Variants in IQGAP3 observed in about 807,000 individuals in gnomAD.
IQGAP3 encodes IQ motif containing GTPase activating protein 3, also known as ras GTPase-activating-like protein IQGAP3.
IQGAP3 carries 165 observed loss-of-function variants against 208.2 expected under a neutral mutation model. The ratio of observed to expected loss-of-function variants is 0.79; its 90% CI spans 0.70 to 0.90. IQGAP3 has a LOEUF of 0.90. Among genes scored for constraint, IQGAP3 ranks in the 40% least tolerant of loss-of-function variants. IQGAP3 has a pLI of 0.00. For synonymous variants in IQGAP3, 703 were observed against 803.6 expected, an observed-to-expected ratio of 0.87 and a Z score of 2.12; for missense variants, 1,811 against 2,043.1, an observed-to-expected ratio of 0.89 and a Z score of 2.19.
chr1:156,541,829 G>C (rs1363126039), intron 22 of IQGAP3, among the ~76,000 whole-genome samples: 6 of 152,316 alleles, frequency 3.9e-5, no homozygotes, highest in Admixed American at 6.5e-5. Flanking sequence ...GCAAGCATGG[G>C]GATCTTTGGG....
intron 4 of IQGAP3, among the ~76,000 whole-genome samples, chr1:156,564,914 A>C (rs1348014618): frequency 2.0e-5 from 3 of 152,188 alleles, no homozygotes; most frequent in Admixed American, 2.0e-4. Flanking sequence ...ACAGACACAT[A>C]GTCCTAGGGT....
Position 156,538,822 on chromosome 1 carries a change from T to C in IQGAP3, c.3268A>G (p.Thr1090Ala). Residue 1090 changes from threonine (T) to alanine (A), a missense_variant, in exon 26 of 38, where the codon ACA (threonine) becomes GCA (alanine). Physicochemically the swap from Thr to Ala is moderately conservative, Grantham distance 58 (BLOSUM62 0). Coordinates refer to ENST00000361170, the MANE Select transcript of IQGAP3 (RefSeq NM_178229.5). ...KNWINQTEAQ[T>A]GQRSHLPYDV... The stretch of plus-strand genomic sequence containing the variant: ...CCATGTGCTCACCTGCGCTGCCCTG[T>C]CTGGGCCTCAGTCTGGTTGATCCAG... 1.2e-6 allele frequency: 2 copies of C among 1,614,106 alleles called. No individual in the cohort carries two copies. Among genetic ancestry groups the C allele is most frequent in the Non-Finnish European group, 1.7e-6 (2 of 1,179,950 alleles).
chr1:156,561,973 A>G lies in IQGAP3; in HGVS notation c.906T>C (p.Asp302=), dbSNP rs1211023571. 15 of 1,613,156 alleles carry G rather than the reference A, an allele frequency of 9.3e-6. No homozygotes were observed. Among genetic ancestry groups the G allele is most frequent in the Non-Finnish European group, 1.2e-5 (14 of 1,179,616 alleles). ...NVHGALEVVD[D]ALERQSPEAL... ...CTTCAGGGCTCTGTCTTTCCAGGGC[A>G]TCATCAACAACTTCTAGAGCCCCAT... The change falls in exon 10 of 38, where the codon GAT becomes GAC. Residue 302 remains aspartate, a synonymous_variant. Transcript: ENST00000361170.
At chr1:156,554,670 G>A (rs1436142816) in intron 12 of IQGAP3, among the ~76,000 whole-genome samples, 2 of 152,104 alleles carry the variant, frequency 1.3e-5, no homozygotes, top group Admixed American at 6.5e-5. Context: ...ATGAGCCCAC[G>A]ACCAATAATG....
chr1:156,556,788 G>A, intron 11 of IQGAP3, 95 bp from the exon 12 acceptor site: 1 of 1,202,900 alleles, frequency 8.3e-7, no homozygotes. Context: ...GATCTTGGTG[G>A]GGAAATGGCT....
At chr1:156,561,359 G>A (rs754868646) in intron 10 of IQGAP3, among the ~76,000 whole-genome samples, 1 of 152,056 alleles carries the variant, frequency 6.6e-6, no homozygotes, top group Non-Finnish European at 1.5e-5. Context: ...TAGAGACAGG[G>A]TTTCACTATA....
At chr1:156,533,192 G>A in intron 31 of IQGAP3, 86 bp from the exon 32 acceptor site, 3 of 1,537,648 alleles carry the variant, frequency 2.0e-6, no homozygotes, top group Non-Finnish European at 2.7e-6. Context: ...TGCACCGATG[G>A]GGTCACATTA....
At chr1:156,568,216 T>C (rs937628940) in intron 2 of IQGAP3, among the ~76,000 whole-genome samples, 11 of 152,292 alleles carry the variant, frequency 7.2e-5, no homozygotes, top group Middle Eastern at 6.8e-3. Context: ...AATGGCTTTT[T>C]GTTTTTGTTT....
chr1:156,529,208 C>A (rs892100385), intron 34 of IQGAP3, 126 bp from the exon 35 acceptor site: 11 of 1,040,482 alleles, frequency 1.1e-5, no homozygotes, highest in Middle Eastern at 3.2e-4. Context: ...AGGCTGTTTT[C>A]CTAGAAGGAA....
At chr1:156,534,422 T>C (rs1674582746) in intron 29 of IQGAP3, 79 bp downstream of exon 29, 1 of 1,133,584 alleles carries the variant, frequency 8.8e-7, no homozygotes, top group Non-Finnish European at 1.3e-6. Context: ...CTTGTCCTCA[T>C]GGATTCTGGA....
intron 32 of IQGAP3, 129 bp from the exon 33 acceptor site, chr1:156,531,376 G>C: frequency 1.4e-6 from 1 of 709,556 alleles, no homozygotes; most frequent in Non-Finnish European, 2.6e-6. Context: ...TAAGGAGAGA[G>C]AGCGAGGGAT....
At chr1:156,559,312 C>T (rs1393645327) in intron 11 of IQGAP3, among the ~76,000 whole-genome samples, 1 of 152,142 alleles carries the variant, frequency 6.6e-6, no homozygotes, top group Admixed American at 6.6e-5. Context: ...GAATAAGGAA[C>T]CAGCTCCAAG....
At chr1:156,571,893 T>C (rs1676661388) in intron 1 of IQGAP3, among the ~76,000 whole-genome samples, 1 of 152,156 alleles carries the variant, frequency 6.6e-6, no homozygotes, top group Non-Finnish European at 1.5e-5. Flanking sequence ...AACAGTGTCT[T>C]TGAAAATGTG....
chr1:156,527,698 A>G (rs1242582190), intron 37 of IQGAP3, among the ~76,000 whole-genome samples: 1 of 152,102 alleles, frequency 6.6e-6, no homozygotes, highest in African/African-American at 2.4e-5. Context: ...TCAAATATTA[A>G]TCCTGCTTCT....
chr1:156,534,945 C>G (rs947360951), intron 28 of IQGAP3, among the ~76,000 whole-genome samples: 1 of 152,236 alleles, frequency 6.6e-6, no homozygotes, highest in African/African-American at 2.4e-5. Flanking sequence ...TGACAAGAAG[C>G]CAGTGTTGCC....
Position 156,550,272 on chromosome 1 carries a change from G to A in IQGAP3, c.1814C>T (p.Thr605Ile), listed in dbSNP as rs1271551695. The change falls in exon 16 of 38, where the codon ACA (threonine) becomes ATA (isoleucine). Residue 605 changes from threonine (T) to isoleucine (I), a missense_variant. By Grantham distance (89) the Thr-to-Ile change is moderately conservative (BLOSUM62 -1). Transcript: ENST00000361170. ...GVVRANQDTN[T>I]AQRMALGVAA... Reference sequence around the variant, plus strand: ...ACCAGTCCATTTACTTCTCTGAGCTGTATTAGTGTCCTGGTTGGCTCTGAC... The same window carrying A: ...ACCAGTCCATTTACTTCTCTGAGCTATATTAGTGTCCTGGTTGGCTCTGAC... 6.2e-7 allele frequency: 1 copy of A among 1,611,566 alleles called. No homozygotes were observed. The highest frequency in any genetic ancestry group is 2.2e-5 in the East Asian group (1 of 44,864).
At chr1:156,551,570 T>C (rs1402347773) in intron 15 of IQGAP3, 135 bp downstream of exon 15, 17 of 905,880 alleles carry the variant, frequency 1.9e-5, no homozygotes, top group Middle Eastern at 7.1e-4. Context: ...CTTTACCAGA[T>C]TGGAACACCC....
intron 37 of IQGAP3, among the ~76,000 whole-genome samples, chr1:156,527,345 G>T (rs1411850504): frequency 1.3e-5 from 2 of 151,732 alleles, no homozygotes; most frequent in Non-Finnish European, 2.9e-5. Flanking sequence ...CGGTGTGGTG[G>T]CGCACGCCTG....
intron 23 of IQGAP3, 122 bp from the exon 24 acceptor site, chr1:156,540,112 G>A (rs1227358695): frequency 9.0e-7 from 1 of 1,112,444 alleles, no homozygotes; most frequent in Non-Finnish European, 1.3e-6. Flanking sequence ...ACAGGCATAA[G>A]CTGGGGGACA....
Sources: gnomAD v4.1 joint callset for allele counts (sites outside exome capture counted in the v4.1 genomes callset) on GRCh38, gnomAD v4.1.1 for gene constraint, MANE v1.5 for transcripts, NCBI Gene and HGNC (gene_info 2026-07-23, HGNC 2026-07-21) for gene names.